Variants in DACH1 observed in about 807,000 individuals in gnomAD.
DACH1 encodes the protein dachshund family transcription factor 1, also known as dachshund homolog 1.
In DACH1, 12 loss-of-function variants were observed where a neutral mutation model predicts 54.2. That is an observed-to-expected ratio of 0.22 (90% CI 0.14 to 0.36). The LOEUF is 0.36. DACH1 is among the 10% of genes least tolerant of loss of function. The pLI is 1.00. For synonymous variants in DACH1, 386 were observed against 366.2 expected (o/e 1.05, Z -0.62); for missense variants, 805 against 929.8 (o/e 0.87, Z 1.75).
intron 3 of DACH1, among the ~76,000 whole-genome samples, chr13:71,614,459 A>C (rs976671327): frequency 2.6e-5 from 4 of 152,260 alleles, no homozygotes; most frequent in East Asian, 1.9e-4. Flanking sequence ...AGGAAAAAAA[A>C]CCCAAATTTC....
chr13:71,506,368 T>C (rs1408812763), intron 6 of DACH1, among the ~76,000 whole-genome samples: 1 of 145,274 alleles, frequency 6.9e-6, no homozygotes, highest in Non-Finnish European at 1.5e-5. Flanking sequence ...TTCCCACCTA[T>C]GAGTGAGAAT....
In DACH1 at chr13:71,724,028, T is replaced by C. The variant is rs74402775; in HGVS notation, c.849-42118A>G. Among the ~76,000 whole-genome samples the C allele has an allele frequency of 9.4e-4, 143 of 152,276 alleles. 1 individual carries two copies. In the East Asian group the frequency reaches 0.024, roughly 26 times the overall value. On this transcript the variant is annotated intron_variant, in intron 1 of 10. Transcript: ENST00000613252. ...TTGTTTTCACTTTCCTTTCAGACTA[T>C]TTTGATAGGAATCAGCAATTCTTAG...
Position 71,867,148 on chromosome 13 carries a change from T to C in DACH1, c.-379A>G. ...AAGGATGAAGGTGAAAAGGAGGAGG[T>C]TTGAAGGACTTGGGCTCTCCCTGGC... On this transcript the variant is annotated 5_prime_UTR_variant, in exon 1 of 11. Coordinates refer to ENST00000613252, the MANE Select transcript of DACH1 (RefSeq NM_080759.6). 1 of 174,298 alleles carries C rather than the reference T, an allele frequency of 5.7e-6. No homozygotes were observed. 10.8% of individuals were successfully genotyped at this position (174,298 alleles called of 1,614,324 possible).
rs889624905 is a variant in DACH1, at chr13:71,756,333, C to T, written c.849-74423G>A. On this transcript the variant is annotated intron_variant, in intron 1 of 10. Coordinates refer to ENST00000613252, the MANE Select transcript of DACH1 (RefSeq NM_080759.6). ...GCTGGGATTACCTAAGTGTGAGCCA[C>T]CGCACCCGGCCAAGACATTTAAAAG... Among the ~76,000 whole-genome samples the T allele has an allele frequency of 2.0e-5, 3 of 152,112 alleles. No individual in the cohort carries two copies. In the East Asian group the frequency reaches 5.8e-4, roughly 29 times the overall value.
chr13:71,481,690 T>G (rs909985539), intron 7 of DACH1, among the ~76,000 whole-genome samples: 1 of 152,166 alleles, frequency 6.6e-6, no homozygotes, highest in Non-Finnish European at 1.5e-5. Context: ...GCCAAACTGA[T>G]GCATATGCAA....
intron 6 of DACH1, among the ~76,000 whole-genome samples, chr13:71,552,784 TGGATGTGA>T (rs1438653702): frequency 3.9e-4 from 37 of 95,170 alleles, no homozygotes; most frequent in African/African-American, 1.4e-3. Flanking sequence ...TATATATATA[TGGATGTGA>T]ATATATATAT....
At chr13:71,521,647 C>T (rs893224368) in intron 6 of DACH1, among the ~76,000 whole-genome samples, 1 of 152,070 alleles carries the variant, frequency 6.6e-6, no homozygotes, top group African/African-American at 2.4e-5. Flanking sequence ...CTATCATTCT[C>T]ATCTCTTCAT....
chr13:71,778,089 C>A, intron 1 of DACH1, among the ~76,000 whole-genome samples: 1 of 140,126 alleles, frequency 7.1e-6, no homozygotes, highest in Admixed American at 7.5e-5. Context: ...GAGACCCTGT[C>A]TACAATAAAT....
intron 1 of DACH1, among the ~76,000 whole-genome samples, chr13:71,808,205 A>G (rs1887584832): frequency 6.6e-6 from 1 of 152,160 alleles, no homozygotes; most frequent in Non-Finnish European, 1.5e-5. Flanking sequence ...AGATATCCCC[A>G]GAATTTTTGG....
chr13:71,448,073 A>G (rs555394849), intron 10 of DACH1, among the ~76,000 whole-genome samples: 2 of 152,264 alleles, frequency 1.3e-5, no homozygotes, highest in South Asian at 2.1e-4. Context: ...GACTTAATAA[A>G]TTGCGTTTTC....
chr13:71,697,747 G>C (rs1376753122), intron 1 of DACH1, among the ~76,000 whole-genome samples: 7 of 152,074 alleles, frequency 4.6e-5, no homozygotes, highest in Non-Finnish European at 8.8e-5. Context: ...TTTGTACTCA[G>C]AGATTCTTTC....
chr13:71,468,231 G>A (rs1388142288), intron 10 of DACH1, among the ~76,000 whole-genome samples: 2 of 152,140 alleles, frequency 1.3e-5, no homozygotes, highest in Admixed American at 1.3e-4. Flanking sequence ...AAGACCTGTA[G>A]TAAATATATT....
At chr13:71,608,191 T>C (rs1283467943) in intron 3 of DACH1, among the ~76,000 whole-genome samples, 1 of 151,972 alleles carries the variant, frequency 6.6e-6, no homozygotes, top group Non-Finnish European at 1.5e-5. Context: ...ATACTTTTTC[T>C]GAACAGTATG....
At chr13:71,663,366 A>G (rs1322774598) in intron 2 of DACH1, among the ~76,000 whole-genome samples, 3 of 152,058 alleles carry the variant, frequency 2.0e-5, no homozygotes, top group Non-Finnish European at 2.9e-5. Context: ...TAAATAAAAC[A>G]TAAGAGAAAA....
chr13:71,785,907 T>C (rs557906864), intron 1 of DACH1, among the ~76,000 whole-genome samples: 2 of 152,290 alleles, frequency 1.3e-5, no homozygotes, highest in African/African-American at 4.8e-5. Context: ...CTGCTATTCT[T>C]GGACAGGCAG....
intron 2 of DACH1, among the ~76,000 whole-genome samples, chr13:71,669,181 A>C (rs1880063075): frequency 6.6e-6 from 1 of 152,158 alleles, no homozygotes; most frequent in Non-Finnish European, 1.5e-5. Context: ...CCCAAACTCC[A>C]GGCCACAGAC....
chr13:71,729,505 A>T (rs1883641349), intron 1 of DACH1, among the ~76,000 whole-genome samples: 1 of 152,060 alleles, frequency 6.6e-6, no homozygotes, highest in Non-Finnish European at 1.5e-5. Context: ...AGTAATCAGG[A>T]TTGATATCCA....
chr13:71,661,410 T>C (rs1566414194), intron 2 of DACH1, among the ~76,000 whole-genome samples: 1 of 151,906 alleles, frequency 6.6e-6, no homozygotes, highest in Non-Finnish European at 1.5e-5. Flanking sequence ...TTCTGGGATA[T>C]TACAACATTT....
At chr13:71,856,717 G>A (rs1874026421) in intron 1 of DACH1, among the ~76,000 whole-genome samples, 1 of 151,878 alleles carries the variant, frequency 6.6e-6, no homozygotes, top group Non-Finnish European at 1.5e-5. Context: ...ATGTATGCCT[G>A]CTTGCACTCT....
Sources: gnomAD v4.1 joint callset for allele counts (sites outside exome capture counted in the v4.1 genomes callset) on GRCh38, gnomAD v4.1.1 for gene constraint, MANE v1.5 for transcripts, NCBI Gene and HGNC (gene_info 2026-07-23, HGNC 2026-07-21) for gene names.